The following TBX5 variants were observed in gnomAD, a reference collection of about 807,000 sequenced individuals.
The protein encoded by TBX5 is T-box transcription factor 5, also known as T-box transcription factor TBX5.
Under a neutral mutation model 51.1 loss-of-function variants are expected in TBX5, and 8 were observed. The observed-to-expected ratio is 0.16, with a 90% CI of 0.09 to 0.28. TBX5 has a LOEUF of 0.28. TBX5 is among the 10% of genes least tolerant of loss of function. The pLI, the probability that TBX5 is intolerant of heterozygous loss-of-function variation, is 1.00. For synonymous variants in TBX5, 302 were observed against 266.4 expected (o/e 1.13, Z -1.30); for missense variants, 589 against 671.7 (o/e 0.88, Z 1.36).
rs142620191 is a variant in TBX5 at position 114,370,638 on chromosome 12, C to CCTCTCT, written c.756-4253_756-4248dup. ...GGGTTAGAGTGGGGGATGATCTCTCCCTCTCTCTCTCTCTCTCTCTCTCTC... is the reference window on the plus strand; with the variant it reads ...GGGTTAGAGTGGGGGATGATCTCTCCCTCTCTCTCTCTCTCTCTCTCTCTCTCTCTC... On this transcript the variant is annotated intron_variant, in intron 7 of 8. Transcript: ENST00000405440. Among the ~76,000 whole-genome samples the CCTCTCT allele has an allele frequency of 2.5e-3, 364 of 146,860 alleles. 1 individual carries two copies. The highest frequency in any genetic ancestry group is 7.5e-3 in the African/African-American group (298 of 39,596).
intron 7 of TBX5, among the ~76,000 whole-genome samples, chr12:114,378,853 G>C (rs1455407686): frequency 6.6e-6 from 1 of 152,072 alleles, no homozygotes; most frequent in East Asian, 1.9e-4. Context: ...GTCCAGGCTG[G>C]TCTCAAACTC....
chr12:114,382,654 A>G (rs1219217507), intron 7 of TBX5, among the ~76,000 whole-genome samples: 1 of 152,110 alleles, frequency 6.6e-6, no homozygotes, highest in Non-Finnish European at 1.5e-5. Context: ...AAAATTAGCC[A>G]GGCGTGGTGG....
At chr12:114,403,620 T>C in intron 2 of TBX5, 132 bp downstream of exon 2, 1 of 1,345,714 alleles carries the variant, frequency 7.4e-7, no homozygotes, top group South Asian at 1.4e-5. Flanking sequence ...AAAGGGATGA[T>C]TATAGTCGTT....
intron 3 of TBX5, among the ~76,000 whole-genome samples, chr12:114,400,891 G>C (rs550440934): frequency 6.6e-6 from 1 of 152,334 alleles, no homozygotes; most frequent in East Asian, 1.9e-4. Context: ...TTCGGCTGGA[G>C]AACGGGGGCG....
intron 8 of TBX5, among the ~76,000 whole-genome samples, chr12:114,365,150 C>T (rs77458753): frequency 0.02 from 2,937 of 146,456 alleles, 87 homozygotes; most frequent in African/African-American, 0.069. Context: ...GGGGATGAGA[C>T]GGGGAAAATC....
At chr12:114,407,379 G>T (rs1396716700), upstream of TBX5, among the ~76,000 whole-genome samples, 2 of 152,174 alleles carry the variant, frequency 1.3e-5, no homozygotes, top group Non-Finnish European at 2.9e-5. Flanking sequence ...CTAGGCCGAA[G>T]ACACGAAAAA....
At chr12:114,373,131 A>AAG (rs1346648459) in intron 7 of TBX5, among the ~76,000 whole-genome samples, 1 of 152,162 alleles carries the variant, frequency 6.6e-6, no homozygotes, top group Admixed American at 6.5e-5. Context: ...ATACCCAAAA[A>AAG]TGTCAAATAT....
intron 7 of TBX5, among the ~76,000 whole-genome samples, chr12:114,383,307 G>A (rs935633733): frequency 6.6e-6 from 1 of 152,166 alleles, no homozygotes; most frequent in Non-Finnish European, 1.5e-5. Context: ...GTGAGAAGGA[G>A]GGAAAAGAGT....
At chr12:114,359,188 C>T (rs1192454949) in intron 8 of TBX5, among the ~76,000 whole-genome samples, 1 of 152,130 alleles carries the variant, frequency 6.6e-6, no homozygotes, top group Non-Finnish European at 1.5e-5. Flanking sequence ...ATGCAGAGCA[C>T]TAAGAAAAAC....
intron 6 of TBX5, among the ~76,000 whole-genome samples, chr12:114,386,401 T>G (rs1565935828): frequency 6.6e-6 from 1 of 152,152 alleles, no homozygotes; most frequent in African/African-American, 2.4e-5. Flanking sequence ...TCCTAAAAAT[T>G]GCGTGTGAAC....
chr12:114,400,829 T>A (rs892713623), intron 3 of TBX5, among the ~76,000 whole-genome samples: 2 of 152,200 alleles, frequency 1.3e-5, no homozygotes, highest in African/African-American at 4.8e-5. Flanking sequence ...GCAGACTTTG[T>A]TTAATTTTAA....
chr12:114,377,911 A>G (rs1870284335), intron 7 of TBX5, among the ~76,000 whole-genome samples: 1 of 151,990 alleles, frequency 6.6e-6, no homozygotes, highest in Non-Finnish European at 1.5e-5. Flanking sequence ...AGTCCTTTCA[A>G]TAATCAAACT....
chr12:114,403,845 G>C lies in TBX5; in HGVS notation c.54C>G (p.Asp18Glu). The C allele has an allele frequency of 6.2e-7, 1 of 1,614,000 alleles. No individual in the cohort carries two copies. Among genetic ancestry groups the C allele is most frequent in the South Asian group, 1.1e-5 (1 of 91,074 alleles). ...TCGAATCGCAGGGCAGGTCTTTTGC[G>C]TCAGGCTCCAGAGGCGTGTGCGCCA... Reference protein sequence around the residue: ...FGLAHTPLEPDAKDLPCDSKP... With the variant: ...FGLAHTPLEPEAKDLPCDSKP... Residue 18 changes from aspartate (D) to glutamate (E), a missense_variant, in exon 2 of 9, where the codon GAC (aspartate) becomes GAG (glutamate). Asp to Glu is a conservative substitution (Grantham distance 45). Transcript: ENST00000405440.
At chr12:114,384,037 T>C (rs960808550) in intron 7 of TBX5, among the ~76,000 whole-genome samples, 4 of 152,302 alleles carry the variant, frequency 2.6e-5, no homozygotes, top group Admixed American at 2.0e-4. Flanking sequence ...AGCTAAAACA[T>C]GATATTTGTT....
intron 2 of TBX5, 100 bp downstream of exon 2, chr12:114,403,652 T>C: frequency 6.6e-7 from 1 of 1,512,116 alleles, no homozygotes; most frequent in Non-Finnish European, 8.8e-7. Context: ...GGGGTTTTTT[T>C]ATTTTGTTTT....
At chr12:114,385,394 G>A in intron 7 of TBX5, 82 bp downstream of exon 7, 1 of 1,150,028 alleles carries the variant, frequency 8.7e-7, no homozygotes, top group East Asian at 2.4e-5. Context: ...CTGGTGGAGG[G>A]AGGTGCTGGG....
chr12:114,366,462 G>C, intron 7 of TBX5, 71 bp from the exon 8 acceptor site: 1 of 1,484,936 alleles, frequency 6.7e-7, no homozygotes, highest in Non-Finnish European at 9.4e-7. Flanking sequence ...GCTGAACCAG[G>C]TGTGAGAGAA....
chr12:114,383,163 A>G (rs1243193666), intron 7 of TBX5, among the ~76,000 whole-genome samples: 1 of 152,026 alleles, frequency 6.6e-6, no homozygotes, highest in Non-Finnish European at 1.5e-5. Context: ...GGCAACTGGT[A>G]AAGTTTGAGG....
intron 6 of TBX5, among the ~76,000 whole-genome samples, chr12:114,393,117 A>T (rs1871248178): frequency 6.6e-6 from 1 of 152,160 alleles, no homozygotes; most frequent in South Asian, 2.1e-4. Context: ...TTCTCTGCCA[A>T]GCCAGCCTGC....
Sources: gnomAD v4.1 joint callset for allele counts (sites outside exome capture counted in the v4.1 genomes callset) on GRCh38, gnomAD v4.1.1 for gene constraint, MANE v1.5 for transcripts, NCBI Gene and HGNC (gene_info 2026-07-23, HGNC 2026-07-21) for gene names.